The following TCF7L1 variants were observed in gnomAD, a reference collection of about 807,000 sequenced individuals.
TCF7L1 encodes transcription factor 7 like 1, also known as transcription factor 7-like 1.
In TCF7L1, 18 loss-of-function variants were observed where a neutral mutation model predicts 63.7. The ratio of observed to expected loss-of-function variants is 0.28; its 90% confidence interval spans 0.20 to 0.42. The LOEUF (loss-of-function observed/expected upper bound fraction) is 0.42. TCF7L1 is among the 10% of genes least tolerant of loss of function. The pLI is 1.00. For missense variants in TCF7L1, 654 were observed against 779.3 expected (o/e 0.84, Z 1.91); for synonymous variants, 355 against 340.9 (o/e 1.04, Z -0.46).
At chr2:85,150,586 C>CT (rs71390054) in intron 3 of TCF7L1, among the ~76,000 whole-genome samples, 22,065 of 140,254 alleles carry the variant, frequency 0.16, 2,163 homozygotes, top group Non-Finnish European at 0.22. Flanking sequence ...AGAACCTTGA[C>CT]TTTTTTTTTT....
At chr2:85,161,729 T>C (rs1442498348) in intron 3 of TCF7L1, among the ~76,000 whole-genome samples, 2 of 152,126 alleles carry the variant, frequency 1.3e-5, no homozygotes, top group African/African-American at 4.8e-5. Flanking sequence ...TGCGGGTTTG[T>C]GGTGATTAAC....
intron 3 of TCF7L1, among the ~76,000 whole-genome samples, chr2:85,244,638 T>C (rs1680417241): frequency 6.6e-6 from 1 of 152,140 alleles, no homozygotes; most frequent in African/African-American, 2.4e-5. Flanking sequence ...TGGGACATGT[T>C]GTATTGGAGA....
At chr2:85,290,024 C>T (rs2104375758) in intron 4 of TCF7L1, among the ~76,000 whole-genome samples, 1 of 147,152 alleles carries the variant, frequency 6.8e-6, no homozygotes, top group African/African-American at 2.5e-5. Flanking sequence ...GTCGCCCAGG[C>T]TGGAGTGCAG....
intron 3 of TCF7L1, among the ~76,000 whole-genome samples, chr2:85,249,607 G>A (rs1385050808): frequency 2.0e-5 from 3 of 152,180 alleles, no homozygotes; most frequent in African/African-American, 4.8e-5. Context: ...GGGGGTCTGC[G>A]GAACCTTCCT....
Position 85,302,553 on chromosome 2 carries a change from A to C in TCF7L1, c.595A>C (p.Asn199His), listed in dbSNP as rs763317541. The C allele has an allele frequency of 9.9e-6, 16 of 1,614,018 alleles. No homozygotes were observed. In the East Asian group the frequency reaches 2.9e-4, roughly 29 times the overall value. ...GCTGACTCCCCTCATCACCTACAGCAATGACCACTTCTCCCCCGGCTCCCC... is the reference window on the plus strand; with the variant it reads ...GCTGACTCCCCTCATCACCTACAGCCATGACCACTTCTCCCCCGGCTCCCC... ...HPLTPLITYS[N>H]DHFSPGSPPT... Residue 199 changes from asparagine (N) to histidine (H), a missense_variant, in exon 5 of 12, where the codon AAT becomes CAT. Transcript: ENST00000282111.
In TCF7L1 at chr2:85,137,726, G is replaced by C. The variant is rs989143427; in HGVS notation, c.441+3276G>C. ...TGGCCAACATGGTGAAACCCCATCT[G>C]TACTAAAAATACAAAAATTAGCCAG... On this transcript the variant is annotated intron_variant, in intron 3 of 11. Transcript: ENST00000282111. 6.6e-5 allele frequency among the ~76,000 whole-genome samples: 10 copies of C among 151,916 alleles called. No individual in the cohort carries two copies. In the South Asian group the frequency reaches 1.9e-3, roughly 28 times the overall value.
chr2:85,196,572 G>A (rs1163848123), intron 3 of TCF7L1, among the ~76,000 whole-genome samples: 2 of 151,306 alleles, frequency 1.3e-5, no homozygotes, highest in Non-Finnish European at 2.9e-5. Flanking sequence ...GTCTCACTAT[G>A]TTGCCCAGGC....
At position 85,229,169 on chromosome 2, in the gene TCF7L1, A is replaced by T. The variant is rs180687664; in HGVS notation, c.442-54326A>T. Among the ~76,000 whole-genome samples, 416 of 152,150 alleles carry T rather than the reference A, an allele frequency of 2.7e-3. 1 individual carries two copies. The highest frequency in any genetic ancestry group is 9.6e-3 in the African/African-American group (400 of 41,488). ...AGACCATCCTGGCCAACATGGTGAA[A>T]CCCTGTCTCTACTGAAAATACAAAA... On this transcript the variant is annotated intron_variant, in intron 3 of 11. Coordinates refer to ENST00000282111, the MANE Select transcript of TCF7L1 (RefSeq NM_031283.3).
chr2:85,208,472 T>A (rs926005489), intron 3 of TCF7L1, among the ~76,000 whole-genome samples: 1 of 152,050 alleles, frequency 6.6e-6, no homozygotes, highest in African/African-American at 2.4e-5. Flanking sequence ...GAGGTGGGGA[T>A]GTTGTTGTCC....
chr2:85,175,437 G>A (rs1216810083), intron 3 of TCF7L1, among the ~76,000 whole-genome samples: 1 of 152,192 alleles, frequency 6.6e-6, no homozygotes, highest in African/African-American at 2.4e-5. Flanking sequence ...CAAGACCCCT[G>A]ATAACGTCCA....
At chr2:85,228,035 A>G (rs10205565) in intron 3 of TCF7L1, among the ~76,000 whole-genome samples, 4,950 of 150,396 alleles carry the variant, frequency 0.033, 297 homozygotes, top group African/African-American at 0.11. Context: ...AAACATTTTC[A>G]TGTTGTTTGG....
chr2:85,229,597 C>G (rs1024320526), intron 3 of TCF7L1, among the ~76,000 whole-genome samples: 1 of 152,036 alleles, frequency 6.6e-6, no homozygotes, highest in Non-Finnish European at 1.5e-5. Context: ...TCTTGAGCTA[C>G]TAGAGAGAGA....
intron 3 of TCF7L1, among the ~76,000 whole-genome samples, chr2:85,142,606 A>G (rs1413344767): frequency 3.9e-5 from 6 of 152,168 alleles, no homozygotes; most frequent in Non-Finnish European, 8.8e-5. Context: ...TTAAGAGCAT[A>G]TAGAAAACCG....
intron 4 of TCF7L1, among the ~76,000 whole-genome samples, chr2:85,299,090 A>G (rs916697720): frequency 1.3e-5 from 2 of 149,234 alleles, no homozygotes; most frequent in Admixed American, 1.3e-4. Flanking sequence ...TATGGCCAAA[A>G]CCACAATTAC....
intron 3 of TCF7L1, among the ~76,000 whole-genome samples, chr2:85,230,932 A>T (rs1680062337): frequency 6.6e-6 from 1 of 152,204 alleles, no homozygotes; most frequent in Non-Finnish European, 1.5e-5. Flanking sequence ...CAAATGCCTA[A>T]AACTTTCCAA....
chr2:85,158,482 G>A (rs1678203759), intron 3 of TCF7L1, among the ~76,000 whole-genome samples: 1 of 152,174 alleles, frequency 6.6e-6, no homozygotes, highest in Admixed American at 6.5e-5. Flanking sequence ...ATATGAGCCT[G>A]TTTAAAAATA....
At chr2:85,240,815 C>T (rs1206464630) in intron 3 of TCF7L1, among the ~76,000 whole-genome samples, 3 of 151,154 alleles carry the variant, frequency 2.0e-5, no homozygotes, top group East Asian at 3.9e-4. Flanking sequence ...TGAAATAGTG[C>T]TTGTACTTAC....
chr2:85,156,584 C>T (rs1227560344), intron 3 of TCF7L1, among the ~76,000 whole-genome samples: 3 of 152,198 alleles, frequency 2.0e-5, no homozygotes, highest in African/African-American at 2.4e-5. Flanking sequence ...GCAGTCTTTA[C>T]GAGCACAGTA....
chr2:85,246,911 G>C (rs566792310), intron 3 of TCF7L1, among the ~76,000 whole-genome samples: 1 of 152,308 alleles, frequency 6.6e-6, no homozygotes, highest in South Asian at 2.1e-4. Context: ...CATAGGTCCT[G>C]GCTACCCACC....
Sources: allele counts gnomAD v4.1 joint callset (sites outside exome capture counted in the v4.1 genomes callset), GRCh38; gene constraint gnomAD v4.1.1; transcripts MANE v1.5; gene names NCBI Gene and HGNC (gene_info 2026-07-23, HGNC 2026-07-21).